TTC29: variants seen among roughly 807,000 people sequenced by gnomAD.
The protein encoded by TTC29 is tetratricopeptide repeat protein 29.
A neutral mutation model predicts 58.1 loss-of-function variants in TTC29; 49 were observed. The ratio of observed to expected loss-of-function variants is 0.84; its 90% CI spans 0.67 to 1.07. The LOEUF is 1.07. Ranked by LOEUF, TTC29 falls within the 50% of genes least tolerant of loss-of-function variation. The pLI, the probability that TTC29 is intolerant of heterozygous loss-of-function variation, is 0.00. For synonymous variants in TTC29, 209 were observed against 196.8 expected (o/e 1.06, Z -0.52); for missense variants, 582 against 555.6 (o/e 1.05, Z -0.48).
At chr4:146,774,250 T>G (rs867575193) in intron 11 of TTC29, among the ~76,000 whole-genome samples, 17 of 152,190 alleles carry the variant, frequency 1.1e-4, no homozygotes, top group Admixed American at 9.2e-4. Flanking sequence ...TGATTTTAGT[T>G]ATTTCTTGTT....
intron 8 of TTC29, among the ~76,000 whole-genome samples, chr4:146,852,989 G>T (rs898509721): frequency 6.6e-6 from 1 of 151,212 alleles, no homozygotes; most frequent in Non-Finnish European, 1.5e-5. Context: ...TAATGTTGTG[G>T]GTTGAGATAA....
intron 11 of TTC29, among the ~76,000 whole-genome samples, chr4:146,768,995 A>T (rs566762103): frequency 6.6e-6 from 1 of 152,128 alleles, no homozygotes; most frequent in African/African-American, 2.4e-5. Context: ...AATATTTGCC[A>T]TAGCAAACAC....
Position 146,707,307 on chromosome 4 carries a change from C to T in TTC29, c.1398-119G>A, listed in dbSNP as rs149183387. 369 of 823,652 alleles carry T rather than the reference C, an allele frequency of 4.5e-4. No individual in the cohort carries two copies. In the African/African-American group the frequency reaches 5.8e-3, roughly 13 times the overall value. 51.0% of individuals were successfully genotyped at this position (823,652 alleles called of 1,614,324 possible). ...AGATGTGGCTTCAAAATTAAAAATA[C>T]TTAACCTTATGTGACATTTGAAAAT... On this transcript the variant is annotated intron_variant, in intron 12 of 12. Transcript: ENST00000325106.
intron 9 of TTC29, among the ~76,000 whole-genome samples, chr4:146,823,409 A>G (rs1209296322): frequency 2.6e-5 from 4 of 152,018 alleles, no homozygotes; most frequent in Non-Finnish European, 4.4e-5. Flanking sequence ...AGATCAGATG[A>G]TTGTAGATGT....
chr4:146,901,760 A>G lies in TTC29; in HGVS notation c.586+1784T>C, dbSNP rs149235063. Among the ~76,000 whole-genome samples the G allele has an allele frequency of 1.4e-3, 215 of 152,342 alleles. 1 individual carries two copies. The highest frequency in any genetic ancestry group is 4.9e-3 in the African/African-American group (203 of 41,576). ...AAGCACCTTATATAAAGTGATAACC[A>G]TTGTGTATCCCCTTGCTCTACTTTA... On this transcript the variant is annotated intron_variant, in intron 6 of 12. Transcript: ENST00000325106.
At chr4:146,820,274 A>G in intron 9 of TTC29, 26 bp from the exon 10 acceptor site, 2 of 1,603,490 alleles carry the variant, frequency 1.2e-6, no homozygotes, top group African/African-American at 1.3e-5. Flanking sequence ...TAGGAAGTCA[A>G]TGGAGTATCA....
intron 11 of TTC29, among the ~76,000 whole-genome samples, chr4:146,780,382 A>C (rs1249516411): frequency 6.7e-6 from 1 of 149,820 alleles, no homozygotes; most frequent in Middle Eastern, 3.2e-3. Flanking sequence ...TCTCCATTGT[A>C]AATGTTCTTA....
rs568666593 is a variant in TTC29, at chr4:146,732,387, T to C, written c.1331-24836A>G. Among the ~76,000 whole-genome samples the C allele has an allele frequency of 7.2e-5, 11 of 152,294 alleles. No homozygotes were observed. The South Asian group carries it at 2.3e-3, about 32-fold the overall frequency. On this transcript the variant is annotated intron_variant, in intron 11 of 12. Coordinates refer to ENST00000325106, the MANE Select transcript of TTC29 (RefSeq NM_031956.4). ...TCCTTTTCTTGTTCCCAAAGATTAA[T>C]CTGCTGGGAATTTATGAACACTAGA...
At chr4:146,799,982 CA>C (rs1036076885) in intron 11 of TTC29, among the ~76,000 whole-genome samples, 5 of 152,150 alleles carry the variant, frequency 3.3e-5, no homozygotes, top group Non-Finnish European at 4.4e-5. Flanking sequence ...GAGAAATCAG[CA>C]GAAATTCATG....
chr4:146,713,238 C>T (rs1182289832), intron 11 of TTC29, among the ~76,000 whole-genome samples: 1 of 151,576 alleles, frequency 6.6e-6, no homozygotes, highest in African/African-American at 2.4e-5. Flanking sequence ...GTGGTTTGAG[C>T]GTCAACATAT....
chr4:146,818,517 T>A (rs940171163), intron 10 of TTC29, among the ~76,000 whole-genome samples: 1 of 152,200 alleles, frequency 6.6e-6, no homozygotes. Context: ...ATTGTGGAAG[T>A]CAGTGTGGCA....
intron 11 of TTC29, among the ~76,000 whole-genome samples, chr4:146,796,155 A>G (rs1288209133): frequency 1.3e-5 from 2 of 151,156 alleles, no homozygotes; most frequent in East Asian, 3.9e-4. Context: ...GAAAGTTAAA[A>G]CTGGTAACAC....
At chr4:146,799,796 C>T (rs1750086132) in intron 11 of TTC29, among the ~76,000 whole-genome samples, 1 of 152,146 alleles carries the variant, frequency 6.6e-6, no homozygotes, top group Non-Finnish European at 1.5e-5. Flanking sequence ...GCTATAATTA[C>T]ATTTCTAGGT....
chr4:146,923,226 G>C (rs1734708254), intron 4 of TTC29, among the ~76,000 whole-genome samples: 1 of 151,708 alleles, frequency 6.6e-6, no homozygotes. Flanking sequence ...AATTGAATAA[G>C]ATAAAAATTC....
intron 6 of TTC29, among the ~76,000 whole-genome samples, chr4:146,884,367 G>A (rs188597479): frequency 2.6e-5 from 4 of 152,214 alleles, no homozygotes; most frequent in Non-Finnish European, 1.5e-5. Context: ...TATAGTGGCA[G>A]TGGGAAGTAG....
intron 4 of TTC29, among the ~76,000 whole-genome samples, chr4:146,927,804 G>A (rs1221086926): frequency 6.6e-6 from 1 of 152,120 alleles, no homozygotes; most frequent in African/African-American, 2.4e-5. Flanking sequence ...AGGCATGAGA[G>A]AAAGCAGAGG....
At chr4:146,909,618 C>T (rs781779749) in intron 4 of TTC29, among the ~76,000 whole-genome samples, 5 of 152,076 alleles carry the variant, frequency 3.3e-5, no homozygotes, top group African/African-American at 7.2e-5. Flanking sequence ...TAAAACTTGC[C>T]ATTTAATATC....
At chr4:146,770,053 T>G (rs1747613044) in intron 11 of TTC29, among the ~76,000 whole-genome samples, 1 of 151,942 alleles carries the variant, frequency 6.6e-6, no homozygotes, top group Non-Finnish European at 1.5e-5. Flanking sequence ...ACTTCATGGT[T>G]TTCAGGCTTA....
intron 12 of TTC29, 37 bp from the exon 13 acceptor site, chr4:146,707,225 T>A (rs573888579): frequency 1.5e-6 from 2 of 1,334,908 alleles, no homozygotes; most frequent in African/African-American, 1.5e-5. Flanking sequence ...ACTTTTATAC[T>A]GGGCTAGAAA....
Sources: allele counts gnomAD v4.1 joint callset (sites outside exome capture counted in the v4.1 genomes callset), GRCh38; gene constraint gnomAD v4.1.1; transcripts MANE v1.5; gene names NCBI Gene and HGNC (gene_info 2026-07-23, HGNC 2026-07-21).